The following ANO10 variants were observed in gnomAD, a reference collection of about 807,000 sequenced individuals.
ANO10 encodes anoctamin 10, also known as anoctamin-10.
Under a neutral mutation model 74.7 loss-of-function variants are expected in ANO10, and 77 were observed. The observed-to-expected ratio is 1.03, with a 90% CI of 0.86 to 1.25. The LOEUF is 1.25. Ranked by LOEUF, ANO10 falls within the 50% of genes most tolerant of loss-of-function variation. The pLI is 0.00. For synonymous variants in ANO10, 279 were observed against 284.9 expected (o/e 0.98, Z 0.21); for missense variants, 721 against 778.1 (o/e 0.93, Z 0.87).
Position 43,665,471 on chromosome 3 carries a change from A to G in ANO10, c.-12+26046T>C, listed in dbSNP as rs138087904. 5.0e-3 allele frequency among the ~76,000 whole-genome samples: 768 copies of G among 152,270 alleles called. 6 individuals are homozygous for G. Among genetic ancestry groups the G allele is most frequent in the African/African-American group, 0.018 (728 of 41,534 alleles). ...AAACCACCATGGCACGTGTATACCT[A>G]TGTAACAAAACTGCACGTTCTGCAC... On this transcript the variant is annotated intron_variant, in intron 1 of 3. Transcript: ENST00000413397.
intron 12 of ANO10, among the ~76,000 whole-genome samples, chr3:43,422,804 G>A (rs941713089): frequency 2.6e-5 from 4 of 152,184 alleles, no homozygotes; most frequent in Non-Finnish European, 5.9e-5. Context: ...AATGAGATAA[G>A]TAGTCACTTA....
intron 5 of ANO10, among the ~76,000 whole-genome samples, chr3:43,578,298 A>G (rs2149406766): frequency 6.6e-6 from 1 of 152,264 alleles, no homozygotes; most frequent in South Asian, 2.1e-4. Flanking sequence ...ACTTGGCTCC[A>G]CAGCAGATGA....
chr3:43,583,980 T>G (rs1050113343), intron 4 of ANO10, among the ~76,000 whole-genome samples: 1 of 152,214 alleles, frequency 6.6e-6, no homozygotes, highest in African/African-American at 2.4e-5. Flanking sequence ...GTAATATCCC[T>G]TAGGATATGG....
chr3:43,463,011 C>T (rs1213302309), intron 11 of ANO10, among the ~76,000 whole-genome samples: 1 of 152,218 alleles, frequency 6.6e-6, no homozygotes, highest in African/African-American at 2.4e-5. Context: ...TATGGAAATG[C>T]CTCGATGTCC....
At chr3:43,468,578 A>AC (rs1233839794) in intron 11 of ANO10, among the ~76,000 whole-genome samples, 1 of 152,180 alleles carries the variant, frequency 6.6e-6, no homozygotes, top group Non-Finnish European at 1.5e-5. Flanking sequence ...CAAAGTTCCC[A>AC]CAGCACCCAA....
chr3:43,576,995 C>T lies in ANO10; in HGVS notation c.859G>A (p.Gly287Arg), dbSNP rs1297054040. Residue 287 changes from glycine to arginine, a missense_variant, in exon 6 of 13, where the codon GGA (glycine) becomes AGA (arginine). Gly to Arg is a moderately radical substitution (Grantham distance 125, BLOSUM62 -2). Coordinates refer to ENST00000292246, the MANE Select transcript of ANO10 (RefSeq NM_018075.5). Reference protein sequence around the residue: ...MKRKFEEPRPGFHGVLGINSI... With the variant: ...MKRKFEEPRPRFHGVLGINSI... The stretch of plus-strand genomic sequence containing the variant: ...TTGATACCCAAGACACCATGAAATC[C>T]TGGCCGGGGCTCCTCAAACTTTCTC... 6.2e-7 allele frequency: 1 copy of T among 1,613,648 alleles called. No homozygotes were observed. Among genetic ancestry groups the T allele is most frequent in the East Asian group, 2.2e-5 (1 of 44,874 alleles).
intron 1 of ANO10, among the ~76,000 whole-genome samples, chr3:43,610,880 A>G (rs1370823754): frequency 1.3e-5 from 2 of 152,226 alleles, no homozygotes; most frequent in Non-Finnish European, 2.9e-5. Flanking sequence ...AAAGCCTATG[A>G]AATTGTATCC....
intron 7 of ANO10, among the ~76,000 whole-genome samples, chr3:43,571,258 AT>A (rs1195793503): frequency 3.3e-5 from 5 of 152,118 alleles, no homozygotes; most frequent in African/African-American, 4.8e-5. Flanking sequence ...TAGTTCAACC[AT>A]TGTGGAAGTC....
chr3:43,379,802 C>G (rs1285225574), intron 12 of ANO10, among the ~76,000 whole-genome samples: 2 of 152,178 alleles, frequency 1.3e-5, no homozygotes, highest in Non-Finnish European at 2.9e-5. Flanking sequence ...AAAGATCACA[C>G]TAGCTCACCA....
chr3:43,600,545 T>C lies in ANO10; in HGVS notation c.176A>G (p.Tyr59Cys), dbSNP rs751016635. ...QLLFRPLLNKYEQETLENQNL... is the reference protein window; with the variant it reads ...QLLFRPLLNKCEQETLENQNL... ...CTGATTTTCTAGTGTTTCTTGTTCA[T>C]ATTTATTTAACAATGGTCTAAACAA... Residue 59 changes from tyrosine (Y) to cysteine (C), a missense_variant, in exon 3 of 13, where the codon TAT (tyrosine) becomes TGT (cysteine). Physicochemically the swap from Tyr to Cys is radical, Grantham distance 194. Coordinates refer to ENST00000292246, the MANE Select transcript of ANO10 (RefSeq NM_018075.5). 3.1e-6 allele frequency: 5 copies of C among 1,613,172 alleles called. No individual in the cohort carries two copies. Among genetic ancestry groups the C allele is most frequent in the African/African-American group, 1.3e-5 (1 of 74,916 alleles).
chr3:43,520,261 A>C (rs1241191275), intron 11 of ANO10, among the ~76,000 whole-genome samples: 1 of 152,214 alleles, frequency 6.6e-6, no homozygotes, highest in Non-Finnish European at 1.5e-5. Flanking sequence ...ATGTTAGTCT[A>C]TTCAGGCTGC....
At chr3:43,520,727 C>A (rs913437033) in intron 11 of ANO10, among the ~76,000 whole-genome samples, 6 of 151,984 alleles carry the variant, frequency 3.9e-5, no homozygotes, top group Non-Finnish European at 8.8e-5. Context: ...GTACTATTTT[C>A]TTTATTTCAA....
At chr3:43,680,675 C>A (rs572829825) in intron 1 of ANO10, among the ~76,000 whole-genome samples, 1 of 152,198 alleles carries the variant, frequency 6.6e-6, no homozygotes, top group African/African-American at 2.4e-5. Flanking sequence ...TTAAGGGCAG[C>A]CAGAGAGAAA....
chr3:43,426,991 C>T (rs1435425062), intron 12 of ANO10, among the ~76,000 whole-genome samples: 1 of 152,166 alleles, frequency 6.6e-6, no homozygotes, highest in African/African-American at 2.4e-5. Flanking sequence ...CTCCTCCTGT[C>T]ACAAGCTGAG....
chr3:43,660,846 C>G (rs2083917622), intron 1 of ANO10, among the ~76,000 whole-genome samples: 1 of 152,112 alleles, frequency 6.6e-6, no homozygotes, highest in Non-Finnish European at 1.5e-5. Context: ...CCTAGCTACT[C>G]AGGACGCCAA....
intron 6 of ANO10, among the ~76,000 whole-genome samples, chr3:43,575,988 G>T (rs919908812): frequency 9.9e-5 from 15 of 152,118 alleles, no homozygotes; most frequent in Non-Finnish European, 1.5e-5. Flanking sequence ...TCTTCCTAGG[G>T]AATAATATAG....
At chr3:43,564,042 T>C (rs2080185240) in intron 8 of ANO10, among the ~76,000 whole-genome samples, 1 of 152,018 alleles carries the variant, frequency 6.6e-6, no homozygotes, top group Non-Finnish European at 1.5e-5. Flanking sequence ...CCTTGATTGA[T>C]CATTACACAT....
At chr3:43,538,877 ATACAG>A (rs2078834102) in intron 11 of ANO10, among the ~76,000 whole-genome samples, 1 of 152,224 alleles carries the variant, frequency 6.6e-6, no homozygotes, top group African/African-American at 2.4e-5. Context: ...CAATAAGAAG[ATACAG>A]TAAATTCAAT....
intron 4 of ANO10, among the ~76,000 whole-genome samples, chr3:43,586,401 G>A (rs972797885): frequency 1.3e-5 from 2 of 152,124 alleles, no homozygotes; most frequent in African/African-American, 2.4e-5. Flanking sequence ...ATGGCTCAAG[G>A]AGAACGCACT....
Sources: allele counts gnomAD v4.1 joint callset (sites outside exome capture counted in the v4.1 genomes callset), GRCh38; gene constraint gnomAD v4.1.1; transcripts MANE v1.5; gene names NCBI Gene and HGNC (gene_info 2026-07-23, HGNC 2026-07-21).